WNT11: variants seen among roughly 807,000 people sequenced by gnomAD.
The protein encoded by WNT11 is protein Wnt-11.
WNT11 carries 20 observed loss-of-function variants against 35.6 expected under a neutral mutation model. That is an observed-to-expected ratio of 0.56 (90% CI 0.40 to 0.82). The LOEUF (loss-of-function observed/expected upper bound fraction) is 0.82, where lower values mean the gene tolerates loss of function less well. Ranked by LOEUF, WNT11 falls within the 40% of genes least tolerant of loss-of-function variation. The probability of loss-of-function intolerance (pLI) is 0.00; values close to 1 mark genes in which losing one functional copy is unlikely to be tolerated. For synonymous variants in WNT11, 200 were observed against 211.9 expected, an observed-to-expected ratio of 0.94 and a Z score of 0.49; for missense variants, 459 against 504.4, an observed-to-expected ratio of 0.91 and a Z score of 0.86.
chr11:76,202,003 G>A (rs1443352877), intron 1 of WNT11, among the ~76,000 whole-genome samples: 2 of 152,190 alleles, frequency 1.3e-5, no homozygotes, highest in African/African-American at 4.8e-5. Context: ...TTCTAGGCCA[G>A]AGACCTGGCA....
chr11:76,196,761 G>A (rs1953295204), intron 1 of WNT11, 43 bp from the exon 2 acceptor site: 3 of 1,530,410 alleles, frequency 2.0e-6, no homozygotes, highest in Admixed American at 2.0e-5. Flanking sequence ...AGGAGAGACA[G>A]GGTTGTCAGG....
At chr11:76,209,224 G>A (rs1014773117), upstream of WNT11, among the ~76,000 whole-genome samples, 2 of 152,158 alleles carry the variant, frequency 1.3e-5, no homozygotes, top group African/African-American at 4.8e-5. Context: ...TCACCTCCTC[G>A]AAGTTGGTCC....
At chr11:76,191,988 G>T in intron 3 of WNT11, 132 bp from the exon 4 acceptor site, 1 of 1,179,814 alleles carries the variant, frequency 8.5e-7, no homozygotes, top group Non-Finnish European at 1.2e-6. Context: ...AAGTGATAGA[G>T]CTTTTTGCTT....
At position 76,187,326 on chromosome 11, in the gene WNT11, C is replaced by T. The variant is rs528623971; in HGVS notation, c.891-87G>A. 9.9e-4 allele frequency: 1,334 copies of T among 1,342,724 alleles called. 7 individuals are homozygous for T. Among genetic ancestry groups the T allele is most frequent in the Non-Finnish European group, 1.2e-3 (1,224 of 1,020,890 alleles). 83.2% of individuals were successfully genotyped at this position (1,342,724 alleles called of 1,614,324 possible). A position where few individuals can be genotyped will look rare whatever the true frequency, so the allele number is the denominator to read the frequency against. ...TGACTCCCAGCCAGGCAGCCGGCAG[C>T]GTCTCCCATGGCCACCGACTCAGCC... is the stretch of plus-strand genomic sequence containing the variant. On this transcript the variant is annotated intron_variant, in intron 4 of 4. Coordinates refer to ENST00000322563, the MANE Select transcript of WNT11 (RefSeq NM_004626.3).
intron 1 of WNT11, among the ~76,000 whole-genome samples, chr11:76,201,471 G>A (rs1045499521): frequency 6.6e-6 from 1 of 152,192 alleles, no homozygotes; most frequent in African/African-American, 2.4e-5. Flanking sequence ...AGTTCTCCTT[G>A]TGGACATCTT....
At chr11:76,195,278 A>C (rs1953263509) in intron 2 of WNT11, among the ~76,000 whole-genome samples, 1 of 152,220 alleles carries the variant, frequency 6.6e-6, no homozygotes, top group Non-Finnish European at 1.5e-5. Context: ...CTTATGACGA[A>C]GTGGGGTCTT....
chr11:76,192,519 C>T lies in WNT11; in HGVS notation c.598-663G>A, dbSNP rs529039105. Among the ~76,000 whole-genome samples, 5 of 152,228 alleles carry T rather than the reference C, an allele frequency of 3.3e-5. No individual in the cohort carries two copies. The East Asian group carries it at 5.8e-4, about 18-fold the overall frequency. ...GCCACTCAGGGCCTCTGTCTTCTTTCGTGCAAGGCGAGCACATAATTCCTG... is the reference window on the plus strand; with the variant it reads ...GCCACTCAGGGCCTCTGTCTTCTTTTGTGCAAGGCGAGCACATAATTCCTG... On this transcript the variant is annotated intron_variant, in intron 3 of 4. Transcript: ENST00000322563.
intron 3 of WNT11, among the ~76,000 whole-genome samples, chr11:76,193,288 C>T (rs1376187740): frequency 6.6e-6 from 1 of 152,242 alleles, no homozygotes; most frequent in Non-Finnish European, 1.5e-5. Flanking sequence ...TGCAGATGGC[C>T]TCAGGGACGG....
Position 76,187,034 on chromosome 11 carries a change from C to A in WNT11, c.*31G>T, listed in dbSNP as rs756794466. On this transcript the variant is annotated 3_prime_UTR_variant, in exon 5 of 5. Transcript: ENST00000322563. ...TTGCTGAGGGTCCTTGAGCAGAGTC[C>A]TCGCTCCTGCGTGGGGCGGAGGGCA... is the stretch of plus-strand genomic sequence containing the variant. 1 of 1,605,302 alleles carries A rather than the reference C, an allele frequency of 6.2e-7. No individual in the cohort carries two copies. The highest frequency in any genetic ancestry group is 1.7e-5 in the Admixed American group (1 of 60,026).
intron 4 of WNT11, among the ~76,000 whole-genome samples, chr11:76,188,172 T>C (rs1295357498): frequency 3.3e-5 from 5 of 152,260 alleles, no homozygotes; most frequent in Admixed American, 6.5e-5. Context: ...CTGTTGGCCA[T>C]GTGCCTCCTG....
chr11:76,204,636 C>T (rs1389975898), intron 1 of WNT11, among the ~76,000 whole-genome samples: 1 of 152,240 alleles, frequency 6.6e-6, no homozygotes, highest in African/African-American at 2.4e-5. Flanking sequence ...CCCCAAGAGC[C>T]TGGGGGCTTA....
chr11:76,209,829 G>A, upstream of WNT11, among the ~76,000 whole-genome samples: 1 of 150,898 alleles, frequency 6.6e-6, no homozygotes, highest in East Asian at 2.0e-4. Flanking sequence ...GCTCGTGCGC[G>A]AGCTCAGCCA....
At chr11:76,197,421 T>C (rs1373837944) in intron 1 of WNT11, among the ~76,000 whole-genome samples, 1 of 152,210 alleles carries the variant, frequency 6.6e-6, no homozygotes, top group African/African-American at 2.4e-5. Context: ...TGGGCCTCAG[T>C]GTTTGTACTT....
intron 4 of WNT11, among the ~76,000 whole-genome samples, chr11:76,189,206 A>G (rs1953142030): frequency 6.6e-6 from 1 of 152,204 alleles, no homozygotes; most frequent in African/African-American, 2.4e-5. Flanking sequence ...CTGGCTGAGC[A>G]CTCTACCCTG....
At chr11:76,187,377 G>T in intron 4 of WNT11, 138 bp from the exon 5 acceptor site, 2 of 832,126 alleles carry the variant, frequency 2.4e-6, no homozygotes, top group Non-Finnish European at 3.4e-6. Context: ...CTTGATCTTT[G>T]GGGAATTTTA....
chr11:76,194,584 T>G lies in WNT11; in HGVS notation c.580A>C (p.Ser194Arg), dbSNP rs1378680953. The G allele has an allele frequency of 1.7e-5, 27 of 1,549,518 alleles. No individual in the cohort carries two copies. Among genetic ancestry groups the G allele is most frequent in the Non-Finnish European group, 2.4e-5 (27 of 1,146,408 alleles). Residue 194 changes from serine (S) to arginine (R), a missense_variant, in exon 3 of 5, where the codon AGT (serine) becomes CGT (arginine). Ser to Arg is a moderately radical substitution (Grantham distance 110). Transcript: ENST00000322563. The surrounding 1 kb of genome is among the most constrained non-coding windows in gnomAD (Gnocchi z 5.4). Reference sequence around the variant, plus strand: ...GTGGTTACCTGTCTCCCCACTTCACTGTTGTGTAGACGCATCAGTTTATTG... The same window carrying G: ...GTGGTTACCTGTCTCCCCACTTCACGGTTGTGTAGACGCATCAGTTTATTG... ...QANKLMRLHNSEVGRQALRAS... is the reference protein window; with the variant it reads ...QANKLMRLHNREVGRQALRAS...
chr11:76,196,853 A>G (rs1370787329), intron 1 of WNT11, 135 bp from the exon 2 acceptor site: 16 of 1,002,320 alleles, frequency 1.6e-5, no homozygotes, highest in East Asian at 2.6e-5. Context: ...GCTCCTTCCA[A>G]AAAAGGCTCC....
chr11:76,202,991 A>T (rs1044399844), intron 1 of WNT11, among the ~76,000 whole-genome samples: 1 of 152,220 alleles, frequency 6.6e-6, no homozygotes, highest in African/African-American at 2.4e-5. Context: ...CCACCTGTGC[A>T]GCCCATCTTG....
chr11:76,195,759 T>C (rs1953273990), intron 2 of WNT11, among the ~76,000 whole-genome samples: 1 of 152,218 alleles, frequency 6.6e-6, no homozygotes, highest in African/African-American at 2.4e-5. Context: ...CTCAGTTTCC[T>C]TAACTGTAGA....
Sources: allele counts gnomAD v4.1 joint callset (sites outside exome capture counted in the v4.1 genomes callset), GRCh38; gene constraint gnomAD v4.1.1; non-coding constraint Gnocchi (gnomAD v3.1); transcripts MANE v1.5; gene names NCBI Gene and HGNC (gene_info 2026-07-23, HGNC 2026-07-21).